The following RBFOX1 variants were observed in gnomAD, a reference collection of about 807,000 sequenced individuals.
RBFOX1 encodes RNA binding fox-1 homolog 1, also known as RNA binding protein fox-1 homolog 1.
A neutral mutation model predicts 57.7 loss-of-function variants in RBFOX1; 8 were observed. The observed-to-expected ratio is 0.14, with a 90% CI of 0.08 to 0.25. The LOEUF (loss-of-function observed/expected upper bound fraction) is 0.25, where lower values mean the gene tolerates loss of function less well. Ranked by LOEUF, RBFOX1 falls within the 10% of genes least tolerant of loss-of-function variation. The pLI is 1.00. For missense variants in RBFOX1, 611 were observed against 548.5 expected (o/e 1.11, Z -1.14); for synonymous variants, 326 against 222.4 (o/e 1.47, Z -4.15).
chr16:6,692,641 T>C (rs1363121875), intron 3 of RBFOX1, among the ~76,000 whole-genome samples: 2 of 152,154 alleles, frequency 1.3e-5, no homozygotes, highest in African/African-American at 4.8e-5. Context: ...ACACATTTTT[T>C]TTTTTTTACT....
intron 3 of RBFOX1, among the ~76,000 whole-genome samples, chr16:6,939,639 G>T (rs1195340664): frequency 1.3e-5 from 2 of 151,642 alleles, no homozygotes; most frequent in African/African-American, 4.9e-5. Flanking sequence ...AACCACCTGA[G>T]TAGCTGCGAT....
At chr16:5,673,311 A>G (rs2050071012) in intron 3 of RBFOX1, among the ~76,000 whole-genome samples, 1 of 152,134 alleles carries the variant, frequency 6.6e-6, no homozygotes. Context: ...CCCAGGAGCC[A>G]GGCAGGAAGC....
intron 1 of RBFOX1, among the ~76,000 whole-genome samples, chr16:5,403,361 A>AAAAAG: frequency 6.8e-6 from 1 of 147,246 alleles, no homozygotes; most frequent in African/African-American, 2.6e-5. Flanking sequence ...AAAAAAAAAA[A>AAAAAG]AAAAAACAAA....
rs549587384 is a variant in RBFOX1 at position 7,121,165 on chromosome 16, T to C, written c.27+69067T>C. Among the ~76,000 whole-genome samples the C allele has an allele frequency of 1.2e-4, 19 of 152,138 alleles. No individual in the cohort carries two copies. In the South Asian group the frequency reaches 1.7e-3, roughly 13 times the overall value. Reference sequence around the variant, plus strand: ...AACCCCACAGCTAATATCATACTTATTGGTGAAAAAGTGACTGCTATCTCC... The same window carrying C: ...AACCCCACAGCTAATATCATACTTACTGGTGAAAAAGTGACTGCTATCTCC... On this transcript the variant is annotated intron_variant, in intron 4 of 15. Transcript: ENST00000550418.
intron 2 of RBFOX1, among the ~76,000 whole-genome samples, chr16:6,621,748 C>G (rs1353823488): frequency 1.3e-5 from 2 of 152,150 alleles, no homozygotes; most frequent in Admixed American, 1.3e-4. Context: ...ACTCACAGAT[C>G]AACCTTTAGG....
chr16:6,622,511 G>C (rs944745756), intron 2 of RBFOX1, among the ~76,000 whole-genome samples: 1 of 152,112 alleles, frequency 6.6e-6, no homozygotes, highest in Non-Finnish European at 1.5e-5. Flanking sequence ...ATCTAGGTTT[G>C]TATAACTGCA....
At chr16:7,543,651 C>T (rs1056586578) in intron 5 of RBFOX1, among the ~76,000 whole-genome samples, 1 of 149,342 alleles carries the variant, frequency 6.7e-6, no homozygotes, top group African/African-American at 2.5e-5. Context: ...AGAGTCTGCA[C>T]CATGCTGGGC....
chr16:6,738,727 T>C (rs1259793825), intron 3 of RBFOX1, among the ~76,000 whole-genome samples: 1 of 152,152 alleles, frequency 6.6e-6, no homozygotes, highest in Non-Finnish European at 1.5e-5. Flanking sequence ...TGAGAGACCA[T>C]GTCCTAGGCC....
chr16:5,758,348 C>T (rs1328048593), intron 3 of RBFOX1, among the ~76,000 whole-genome samples: 1 of 152,130 alleles, frequency 6.6e-6, no homozygotes, highest in Non-Finnish European at 1.5e-5. Flanking sequence ...ATAATTGGAG[C>T]ACGGAGACCT....
intron 3 of RBFOX1, among the ~76,000 whole-genome samples, chr16:6,937,754 A>G (rs1437547083): frequency 1.3e-5 from 2 of 152,102 alleles, no homozygotes; most frequent in Non-Finnish European, 2.9e-5. Context: ...TGTGGAGACC[A>G]AAGTTTTATC....
At chr16:5,552,265 C>A (rs1411809618) in intron 2 of RBFOX1, among the ~76,000 whole-genome samples, 2 of 152,092 alleles carry the variant, frequency 1.3e-5, no homozygotes, top group Non-Finnish European at 2.9e-5. Flanking sequence ...GTTTATTATC[C>A]ATCCCTCCTT....
At chr16:7,379,722 C>T (rs1568513609) in intron 4 of RBFOX1, among the ~76,000 whole-genome samples, 1 of 151,624 alleles carries the variant, frequency 6.6e-6, no homozygotes, top group Non-Finnish European at 1.5e-5. Flanking sequence ...GAATTCCTTC[C>T]TTCCTTCCTT....
chr16:5,415,413 C>A (rs2067135867), intron 1 of RBFOX1, among the ~76,000 whole-genome samples: 1 of 152,168 alleles, frequency 6.6e-6, no homozygotes, highest in Admixed American at 6.5e-5. Context: ...TCCTCTGACA[C>A]GTGAGGATTA....
At chr16:5,462,446 G>C (rs940507567) in intron 1 of RBFOX1, among the ~76,000 whole-genome samples, 1 of 152,058 alleles carries the variant, frequency 6.6e-6, no homozygotes, top group African/African-American at 2.4e-5. Context: ...GGGATTACAG[G>C]CGTGAGCCAC....
chr16:5,380,879 A>C (rs1027209840), intron 1 of RBFOX1, among the ~76,000 whole-genome samples: 1 of 152,228 alleles, frequency 6.6e-6, no homozygotes, highest in East Asian at 1.9e-4. Context: ...TGACTTGTAT[A>C]ATAAGGTAGG....
At chr16:6,999,537 T>A (rs968546033) in intron 3 of RBFOX1, among the ~76,000 whole-genome samples, 6 of 151,992 alleles carry the variant, frequency 3.9e-5, no homozygotes, top group African/African-American at 1.4e-4. Context: ...ATGAAAAATT[T>A]CAAAAAAACA....
chr16:7,369,705 T>G (rs1045700323), intron 4 of RBFOX1, among the ~76,000 whole-genome samples: 1 of 152,194 alleles, frequency 6.6e-6, no homozygotes, highest in Admixed American at 6.5e-5. Context: ...TGCCATGGTG[T>G]CTGATTAGCA....
chr16:5,784,341 G>A (rs1275363478), intron 3 of RBFOX1, among the ~76,000 whole-genome samples: 1 of 152,102 alleles, frequency 6.6e-6, no homozygotes, highest in Non-Finnish European at 1.5e-5. Context: ...GCAGGAGAAT[G>A]GCGTGAACCC....
At chr16:5,607,672 T>A (rs1411021315) in intron 3 of RBFOX1, among the ~76,000 whole-genome samples, 1 of 152,176 alleles carries the variant, frequency 6.6e-6, no homozygotes, top group Non-Finnish European at 1.5e-5. Context: ...TGATGTAAAC[T>A]GTCCCAGAAG....
Sources: gnomAD v4.1 joint callset for allele counts (sites outside exome capture counted in the v4.1 genomes callset) on GRCh38, gnomAD v4.1.1 for gene constraint, MANE v1.5 for transcripts, NCBI Gene and HGNC (gene_info 2026-07-23, HGNC 2026-07-21) for gene names.